Variants in YPEL1 observed in about 807,000 individuals in gnomAD.
YPEL1 encodes yippee like 1.
In YPEL1, 7 loss-of-function variants were observed where a neutral mutation model predicts 17.3. The ratio of observed to expected loss-of-function variants is 0.40; its 90% confidence interval spans 0.23 to 0.76. The LOEUF (loss-of-function observed/expected upper bound fraction) is 0.76. Among genes scored for constraint, YPEL1 ranks in the 30% least tolerant of loss-of-function variants. YPEL1 has a pLI of 0.35. For synonymous variants in YPEL1, 59 were observed against 59.6 expected, an observed-to-expected ratio of 0.99 and a Z score of 0.05; for missense variants, 91 against 155.5, an observed-to-expected ratio of 0.59 and a Z score of 2.21.
At position 21,710,776 on chromosome 22, in the gene YPEL1, C is replaced by A; in HGVS notation, c.-32G>T. On this transcript the variant is annotated 5_prime_UTR_variant, in exon 2 of 5. Transcript: ENST00000339468. Reference sequence around the variant, plus strand: ...TGGGCACTCCTCACTCAGCTCAGGGCTGGTTCTGGAAGAACCGTGGCTCTG... The same window carrying A: ...TGGGCACTCCTCACTCAGCTCAGGGATGGTTCTGGAAGAACCGTGGCTCTG... 1 of 1,589,178 alleles carries A rather than the reference C, an allele frequency of 6.3e-7. No individual in the cohort carries two copies. Among genetic ancestry groups the A allele is most frequent in the African/African-American group, 1.3e-5 (1 of 74,552 alleles).
intron 1 of YPEL1, among the ~76,000 whole-genome samples, chr22:21,734,743 T>C (rs1334008299): frequency 6.6e-6 from 1 of 152,142 alleles, no homozygotes; most frequent in Non-Finnish European, 1.5e-5. Flanking sequence ...CAGCAAACAT[T>C]TGTCACATCT....
chr22:21,725,062 C>T (rs772645503), intron 1 of YPEL1, among the ~76,000 whole-genome samples: 55 of 151,356 alleles, frequency 3.6e-4, no homozygotes, highest in Non-Finnish European at 1.3e-4. Context: ...CATGTGCCAT[C>T]ATGCCCGGCT....
intron 1 of YPEL1, among the ~76,000 whole-genome samples, chr22:21,713,559 A>G (rs911791222): frequency 6.6e-6 from 1 of 152,232 alleles, no homozygotes; most frequent in African/African-American, 2.4e-5. Context: ...TGGGACTCAG[A>G]GACAGAAAGA....
At chr22:21,704,427 T>G (rs1050645976) in intron 2 of YPEL1, among the ~76,000 whole-genome samples, 1 of 152,094 alleles carries the variant, frequency 6.6e-6, no homozygotes, top group Non-Finnish European at 1.5e-5. Context: ...AAGGCTGAGG[T>G]GGGCAGATCA....
chr22:21,703,547 G>C lies in YPEL1; in HGVS notation c.162-69C>G. On this transcript the variant is annotated intron_variant, in intron 3 of 4. Transcript: ENST00000339468. This position sits in a 1 kb window ranked among gnomAD's most constrained non-coding sequence, Gnocchi z 6.1. ...CCTGACCAGGCCCTGCCCCCTCAGC[G>C]GGCCCCACCCCATCCTCCTAAGAGT... 2.1e-6 allele frequency: 3 copies of C among 1,417,890 alleles called. No individual in the cohort carries two copies. In the South Asian group the frequency reaches 3.5e-5, roughly 16 times the overall value. 87.8% of individuals were successfully genotyped at this position (1,417,890 alleles called of 1,614,324 possible).
intron 1 of YPEL1, among the ~76,000 whole-genome samples, chr22:21,725,272 T>C (rs1299737086): frequency 2.0e-5 from 3 of 148,534 alleles, no homozygotes; most frequent in Non-Finnish European, 3.0e-5. Flanking sequence ...CAGGCTGGAG[T>C]GCAGTGGTGC....
chr22:21,708,553 T>C (rs1465847821), intron 2 of YPEL1, among the ~76,000 whole-genome samples: 1 of 151,892 alleles, frequency 6.6e-6, no homozygotes, highest in Non-Finnish European at 1.5e-5. Flanking sequence ...TTGGCCATGC[T>C]GGTCTTGAAC....
intron 1 of YPEL1, among the ~76,000 whole-genome samples, chr22:21,717,994 G>C (rs537849533): frequency 6.6e-6 from 1 of 151,782 alleles, no homozygotes; most frequent in South Asian, 2.1e-4. Flanking sequence ...AGCCAAGTGT[G>C]GCGTCACGTG....
rs775497349 is a variant in YPEL1, at chr22:21,699,531, G to T, written c.*1598C>A. The T allele has an allele frequency of 1.3e-5, 2 of 152,498 alleles. No homozygotes were observed. The highest frequency in any genetic ancestry group is 2.9e-5 in the Non-Finnish European group (2 of 68,064). 9.4% of individuals were successfully genotyped at this position (152,498 alleles called of 1,614,324 possible). On this transcript the variant is annotated 3_prime_UTR_variant, in exon 5 of 5. Coordinates refer to ENST00000339468, the MANE Select transcript of YPEL1 (RefSeq NM_013313.5). ...TATGGCAGAAACACAGGCCTTAGGA[G>T]ATTGCACAGGCCCCTCTATCAGTTC... is the stretch of plus-strand genomic sequence containing the variant.
chr22:21,724,003 CAT>C (rs1291827072), intron 1 of YPEL1, among the ~76,000 whole-genome samples: 2 of 152,098 alleles, frequency 1.3e-5, no homozygotes, highest in Non-Finnish European at 2.9e-5. Context: ...TGGGTATACA[CAT>C]GTCCATTTTA....
intron 1 of YPEL1, among the ~76,000 whole-genome samples, chr22:21,725,947 C>G (rs930696202): frequency 6.6e-6 from 1 of 152,096 alleles, no homozygotes; most frequent in Non-Finnish European, 1.5e-5. Flanking sequence ...TATGGTGAGC[C>G]GTGATGGTGC....
At chr22:21,717,136 CTGGGGGGGCGGG>C (rs1203120035) in intron 1 of YPEL1, among the ~76,000 whole-genome samples, 1,332 of 88,214 alleles carry the variant, frequency 0.015, 19 homozygotes, top group African/African-American at 0.04. Context: ...GAGGCCGGGG[CTGGGGGGGCGGG>C]GGGCGGATCA....
chr22:21,711,369 T>C (rs763286907), intron 1 of YPEL1, among the ~76,000 whole-genome samples: 2 of 152,206 alleles, frequency 1.3e-5, no homozygotes, highest in Non-Finnish European at 2.9e-5. Context: ...TGATTCAAAT[T>C]CTTCTTATAC....
chr22:21,726,838 C>T (rs1428733584), intron 1 of YPEL1, among the ~76,000 whole-genome samples: 1 of 152,204 alleles, frequency 6.6e-6, no homozygotes, highest in African/African-American at 2.4e-5. Context: ...CAGCTCTCGC[C>T]TCCACCTTGT....
At chr22:21,714,696 C>T (rs978237796) in intron 1 of YPEL1, among the ~76,000 whole-genome samples, 7 of 152,172 alleles carry the variant, frequency 4.6e-5, no homozygotes, top group East Asian at 3.9e-4. Flanking sequence ...TCCCAAGTGC[C>T]GGTGACAAGG....
intron 2 of YPEL1, chr22:21,704,148 G>T (rs1242537596): frequency 1.4e-6 from 1 of 718,220 alleles, no homozygotes; most frequent in Non-Finnish European, 2.6e-6. Flanking sequence ...ATCATGGCAA[G>T]ATCAGTTTTT....
chr22:21,706,678 C>T (rs911732952), intron 2 of YPEL1, among the ~76,000 whole-genome samples: 5 of 151,396 alleles, frequency 3.3e-5, no homozygotes, highest in Non-Finnish European at 7.4e-5. Context: ...AAACCCTGTC[C>T]CTACAAAAAA....
At position 21,715,425 on chromosome 22, in the gene YPEL1, C is replaced by T. The variant is rs1376980007; in HGVS notation, c.-164-4517G>A. On this transcript the variant is annotated intron_variant, in intron 1 of 4. Coordinates refer to ENST00000339468, the MANE Select transcript of YPEL1 (RefSeq NM_013313.5). Reference sequence around the variant, plus strand: ...AGGAGAATCACTTGAACCCGGGAGGCGGAGGCTGCAGTGAGCCGAGATTGC... The same window carrying T: ...AGGAGAATCACTTGAACCCGGGAGGTGGAGGCTGCAGTGAGCCGAGATTGC... Among the ~76,000 whole-genome samples the T allele has an allele frequency of 2.7e-5, 4 of 150,272 alleles. No individual in the cohort carries two copies. In the East Asian group the frequency reaches 8.3e-4, roughly 31 times the overall value.
intron 1 of YPEL1, among the ~76,000 whole-genome samples, chr22:21,722,741 C>CA (rs1461154569): frequency 2.0e-5 from 3 of 152,166 alleles, no homozygotes; most frequent in Admixed American, 2.0e-4. Context: ...CCCCACCCCA[C>CA]AGTCCGTAAC....
Sources: gnomAD v4.1 joint callset for allele counts (sites outside exome capture counted in the v4.1 genomes callset) on GRCh38, gnomAD v4.1.1 for gene constraint, Gnocchi (gnomAD v3.1) non-coding constraint, MANE v1.5 for transcripts, NCBI Gene and HGNC (gene_info 2026-07-23, HGNC 2026-07-21) for gene names.